The following UNC13C variants were observed in gnomAD, a reference collection of about 807,000 sequenced individuals.
UNC13C encodes the protein unc-13 homolog C.
Under a neutral mutation model 245.4 loss-of-function variants are expected in UNC13C, and 174 were observed. The ratio of observed to expected loss-of-function variants is 0.71; its 90% confidence interval spans 0.63 to 0.80. The LOEUF is 0.80. Among genes scored for constraint, UNC13C ranks in the 30% least tolerant of loss-of-function variants. The probability of loss-of-function intolerance (pLI) is 0.00; values close to 1 mark genes in which losing one functional copy is unlikely to be tolerated. For synonymous variants in UNC13C, 992 were observed against 895.1 expected (o/e 1.11, Z -1.93); for missense variants, 2,829 against 2,602.9 (o/e 1.09, Z -1.89).
the UNC13C span, among the ~76,000 whole-genome samples, chr15:53,845,641 C>G: frequency 6.6e-6 from 1 of 152,094 alleles, no homozygotes; most frequent in Non-Finnish European, 1.5e-5. Context: ...ATTATAACTA[C>G]TTATTAATTA....
intron 17 of UNC13C, among the ~76,000 whole-genome samples, chr15:54,387,612 C>T (rs1177742845): frequency 2.0e-5 from 3 of 152,050 alleles, no homozygotes; most frequent in Non-Finnish European, 2.9e-5. Context: ...TGAGAGAGGG[C>T]CCATTTTTCT....
chr15:53,933,998 G>A, the UNC13C span, among the ~76,000 whole-genome samples: 1 of 152,200 alleles, frequency 6.6e-6, no homozygotes. Flanking sequence ...TGGGATGCAA[G>A]GTGCCAGGCA....
At chr15:54,183,259 A>G (rs2141306966) in intron 4 of UNC13C, among the ~76,000 whole-genome samples, 1 of 151,718 alleles carries the variant, frequency 6.6e-6, no homozygotes, top group African/African-American at 2.4e-5. Flanking sequence ...TTTAAGAAAA[A>G]CATTAAATAA....
At chr15:54,443,979 C>T (rs1567276349) in intron 19 of UNC13C, among the ~76,000 whole-genome samples, 1 of 150,818 alleles carries the variant, frequency 6.6e-6, no homozygotes, top group Admixed American at 6.6e-5. Flanking sequence ...TCTAGATGAT[C>T]TGTCTAATAC....
chr15:54,447,217 A>T lies in UNC13C; in HGVS notation c.4933+32150A>T, dbSNP rs567104864. ...TCAGTATTTTATTGAGGATATTTGC[A>T]TCGATGTTCATCAGGGATATTGGTC... On this transcript the variant is annotated intron_variant, in intron 19 of 32. Coordinates refer to ENST00000260323, the MANE Select transcript of UNC13C (RefSeq NM_001080534.3). 8.9e-4 allele frequency among the ~76,000 whole-genome samples: 136 copies of T among 152,324 alleles called. 3 individuals carry two copies. In the South Asian group the frequency reaches 0.027, roughly 31 times the overall value.
rs1396492030 is a variant in UNC13C at position 54,145,512 on chromosome 15, A to G, written c.3071+1828A>G. Among the ~76,000 whole-genome samples, 3 of 152,202 alleles carry G rather than the reference A, an allele frequency of 2.0e-5. No individual in the cohort carries two copies. In the East Asian group the frequency reaches 5.8e-4, roughly 29 times the overall value. On this transcript the variant is annotated intron_variant, in intron 4 of 32. Transcript: ENST00000260323. ...GTTATAGTAATTTAAATAAGTTATA[A>G]AAGCAGCTGTGGTGAAAGATCATTA...
At chr15:54,226,105 C>T (rs1264682008) in intron 4 of UNC13C, among the ~76,000 whole-genome samples, 1 of 152,124 alleles carries the variant, frequency 6.6e-6, no homozygotes, top group Non-Finnish European at 1.5e-5. Context: ...TGGTAAATTA[C>T]ATTTATTGAT....
At chr15:53,844,693 C>G in the UNC13C span, among the ~76,000 whole-genome samples, 1 of 151,984 alleles carries the variant, frequency 6.6e-6, no homozygotes, top group Non-Finnish European at 1.5e-5. Context: ...TGCAAGTTTT[C>G]TCAAGTAGAA....
chr15:54,185,534 T>A (rs2033948444), intron 4 of UNC13C, among the ~76,000 whole-genome samples: 8 of 151,114 alleles, frequency 5.3e-5, no homozygotes, highest in Admixed American at 5.2e-4. Context: ...GGGAATCCTT[T>A]CCCCATTGCT....
At chr15:54,552,152 T>C (rs957959213) in intron 28 of UNC13C, among the ~76,000 whole-genome samples, 2 of 147,944 alleles carry the variant, frequency 1.4e-5, no homozygotes, top group African/African-American at 5.0e-5. Flanking sequence ...TGATTTGGGA[T>C]TATTCCATTA....
At chr15:54,149,588 T>A (rs2032429179) in intron 4 of UNC13C, among the ~76,000 whole-genome samples, 1 of 152,238 alleles carries the variant, frequency 6.6e-6, no homozygotes, top group South Asian at 2.1e-4. Context: ...ACTGATCTTC[T>A]AACCAATCTT....
chr15:54,218,008 G>A (rs116842058), intron 4 of UNC13C, among the ~76,000 whole-genome samples: 54 of 152,058 alleles, frequency 3.6e-4, no homozygotes, highest in Non-Finnish European at 5.6e-4. Flanking sequence ...CTACATGCCA[G>A]AACTAGTTCT....
At chr15:54,193,939 A>T (rs1255873038) in intron 4 of UNC13C, among the ~76,000 whole-genome samples, 1 of 152,198 alleles carries the variant, frequency 6.6e-6, no homozygotes, top group Non-Finnish European at 1.5e-5. Context: ...TCTACTGAAG[A>T]GAACAGAGGT....
At chr15:54,460,964 T>C (rs1467212673) in intron 19 of UNC13C, among the ~76,000 whole-genome samples, 2 of 152,204 alleles carry the variant, frequency 1.3e-5, no homozygotes, top group African/African-American at 4.8e-5. Context: ...ATTTATTTTA[T>C]AACAAAAGAG....
At chr15:54,321,371 AT>A (rs2038153931) in intron 13 of UNC13C, 2 of 482,834 alleles carry the variant, frequency 4.1e-6, no homozygotes, top group Non-Finnish European at 8.2e-6. Context: ...TCTTTTTCAA[AT>A]TTAAGTGGGT....
At chr15:54,365,877 T>A (rs573565) in intron 17 of UNC13C, among the ~76,000 whole-genome samples, 25,592 of 152,216 alleles carry the variant, frequency 0.17, 2,696 homozygotes, top group Middle Eastern at 0.25. Flanking sequence ...GGACTGCTTA[T>A]CTTAGTTGTA....
chr15:53,865,284 G>C, the UNC13C span, among the ~76,000 whole-genome samples: 7 of 152,132 alleles, frequency 4.6e-5, no homozygotes, highest in Non-Finnish European at 8.8e-5. Flanking sequence ...GTCCACTCGG[G>C]CTGACAGAAT....
At chr15:54,301,424 G>A (rs1200215880) in intron 13 of UNC13C, among the ~76,000 whole-genome samples, 1 of 151,678 alleles carries the variant, frequency 6.6e-6, no homozygotes, top group Non-Finnish European at 1.5e-5. Context: ...TTCTCCTAAT[G>A]CTATCCCTCC....
intron 16 of UNC13C, among the ~76,000 whole-genome samples, chr15:54,336,791 A>G (rs1333200399): frequency 6.6e-6 from 1 of 152,096 alleles, no homozygotes. Context: ...CCATATATGT[A>G]TGGGTCTATT....
Sources: allele counts gnomAD v4.1 joint callset (sites outside exome capture counted in the v4.1 genomes callset), GRCh38; gene constraint gnomAD v4.1.1; transcripts MANE v1.5; gene names NCBI Gene and HGNC (gene_info 2026-07-23, HGNC 2026-07-21).